The following KIF5A variants were observed in gnomAD, a reference collection of about 807,000 sequenced individuals.
KIF5A encodes the protein kinesin family member 5A, also known as kinesin heavy chain isoform 5A.
In KIF5A, 35 loss-of-function variants were observed where a neutral mutation model predicts 141.3. That is an observed-to-expected ratio of 0.25 (90% confidence interval 0.19 to 0.33). The LOEUF (loss-of-function observed/expected upper bound fraction) is 0.33, where lower values mean the gene tolerates loss of function less well. Among genes scored for constraint, KIF5A ranks in the 10% least tolerant of loss-of-function variants. The probability of loss-of-function intolerance (pLI) is 1.00; values close to 1 mark genes in which losing one functional copy is unlikely to be tolerated. For synonymous variants in KIF5A, 448 were observed against 500.2 expected (o/e 0.90, Z 1.39); for missense variants, 861 against 1,314.3 (o/e 0.66, Z 5.33).
In KIF5A at chr12:57,581,866, C is replaced by T. The variant is rs1286217171; in HGVS notation, c.2910-4C>T. On this transcript the variant is annotated splice_polypyrimidine_tract_variant and splice_region_variant and intron_variant, in intron 25 of 28. Coordinates refer to ENST00000455537, the MANE Select transcript of KIF5A (RefSeq NM_004984.4). ...AGGCTGCCTCTTTCCTCTGCTCCAT[C>T]CAGCTTTGCAAACTCCTGTACCAGC... is the stretch of plus-strand genomic sequence containing the variant. The T allele has an allele frequency of 2.5e-6, 4 of 1,613,762 alleles. No individual in the cohort carries two copies. The highest frequency in any genetic ancestry group is 3.3e-5 in the Admixed American group (2 of 60,004).
At chr12:57,557,858 T>C (rs888356883) in intron 1 of KIF5A, among the ~76,000 whole-genome samples, 1 of 152,080 alleles carries the variant, frequency 6.6e-6, no homozygotes, top group Non-Finnish European at 1.5e-5. Flanking sequence ...TGCCTGGCTA[T>C]ATTTTACAAT....
At chr12:57,565,772 G>A (rs927671118) in intron 6 of KIF5A, among the ~76,000 whole-genome samples, 4 of 150,940 alleles carry the variant, frequency 2.7e-5, no homozygotes, top group Non-Finnish European at 4.4e-5. Context: ...CTACAGGCAT[G>A]TGCCACCACG....
At chr12:57,581,834 G>T (rs367997523) in intron 25 of KIF5A, 36 bp from the exon 26 acceptor site, 4 of 1,568,250 alleles carry the variant, frequency 2.6e-6, no homozygotes, top group Admixed American at 3.3e-5. Flanking sequence ...TGGAGGGTGG[G>T]TGTCAGAGGC....
In KIF5A at chr12:57,569,613, G is replaced by GAAGGAGAAGACA; in HGVS notation, c.1052_1063dup (p.Glu351_Lys354dup). ...AGTGGAAGAAGAAATATGAGAAGGAGAAGGAGAAGACAAAGGCCCAGAAGG... is the reference window on the plus strand; with the variant it reads ...AGTGGAAGAAGAAATATGAGAAGGAGAAGGAGAAGACAAAGGAGAAGACAAAGGCCCAGAAGG... On this transcript the variant is annotated inframe_insertion, in exon 11 of 29. Transcript: ENST00000455537. 1 of 1,614,146 alleles carries GAAGGAGAAGACA rather than the reference G, an allele frequency of 6.2e-7. No homozygotes were observed. The highest frequency in any genetic ancestry group is 8.5e-7 in the Non-Finnish European group (1 of 1,180,036).
In KIF5A at chr12:57,579,864, C is replaced by T. The variant is rs867660893; in HGVS notation, c.2539-1092C>T. Among the ~76,000 whole-genome samples the T allele has an allele frequency of 3.9e-4, 59 of 152,138 alleles. 1 individual carries two copies. The highest frequency in any genetic ancestry group is 1.3e-4 in the Non-Finnish European group (9 of 68,022). On this transcript the variant is annotated intron_variant, in intron 23 of 28. Transcript: ENST00000455537. ...CACAACCACACACTGTTTCCTTTAT[C>T]GTCACTGAAGCCTCTGCCTCTGTTC...
rs1196739040 is a variant in KIF5A at position 57,586,432 on chromosome 12, C to G, written c.*2251C>G. On this transcript the variant is annotated 3_prime_UTR_variant, in exon 29 of 29. Coordinates refer to ENST00000455537, the MANE Select transcript of KIF5A (RefSeq NM_004984.4). ...TTCACCAGAAGCTTCACACTACATC[C>G]TCCTCCTCCTCCTGCTCCCCACCTT... 1 of 152,206 alleles carries G rather than the reference C, an allele frequency of 6.6e-6. No homozygotes were observed. The highest frequency in any genetic ancestry group is 1.5e-5 in the Non-Finnish European group (1 of 67,996). The allele number at this position is 152,206 out of a possible 1,614,324, so 9.4% of individuals were successfully genotyped here.
intron 15 of KIF5A, among the ~76,000 whole-genome samples, chr12:57,574,015 G>A (rs1882341531): frequency 6.7e-6 from 1 of 150,200 alleles, no homozygotes; most frequent in Non-Finnish European, 1.5e-5. Context: ...CCTGGGAGGC[G>A]GAGCTTGCAG....
intron 23 of KIF5A, among the ~76,000 whole-genome samples, chr12:57,579,438 G>A (rs1006746114): frequency 6.6e-6 from 1 of 151,764 alleles, no homozygotes; most frequent in Non-Finnish European, 1.5e-5. Context: ...ATTCTCACTA[G>A]CCTAGCACTT....
rs201501241 is a variant in KIF5A at position 57,570,405 on chromosome 12, AT to A, written c.1293+254del. On this transcript the variant is annotated intron_variant, in intron 12 of 28. Transcript: ENST00000455537. ...GCAATTGAGTTATACTGTATAAGTA[AT>A]TTTTTTTTTTGAGACAGGGTCTTGC... Among the ~76,000 whole-genome samples, 846 of 149,366 alleles carry A rather than the reference AT, an allele frequency of 5.7e-3. 6 individuals carry two copies. The highest frequency in any genetic ancestry group is 0.018 in the African/African-American group (727 of 40,922).
In KIF5A at chr12:57,569,329, C is replaced by T. The variant is rs1303126235; in HGVS notation, c.893C>T (p.Thr298Met). Residue 298 changes from threonine (T) to methionine (M), a missense_variant, in exon 10 of 29, where the codon ACG becomes ATG. Physicochemically the swap from Thr to Met is moderately conservative, Grantham distance 81 (BLOSUM62 -1). Coordinates refer to ENST00000455537, the MANE Select transcript of KIF5A (RefSeq NM_004984.4). ...LQDSLGGNCR[T>M]TMFICCSPSS... ...GACTCTCTCGGGGGAAACTGCCGGA[C>T]GACTATGTTCATCTGTTGCTCACCA... 1.2e-6 allele frequency: 2 copies of T among 1,613,746 alleles called. No individual in the cohort carries two copies. The highest frequency in any genetic ancestry group is 8.5e-7 in the Non-Finnish European group (1 of 1,179,760).
In KIF5A at chr12:57,550,293, T is replaced by TGTA; in HGVS notation, c.24_26dup (p.Ser9dup). The TGTA allele has an allele frequency of 5.6e-6, 9 of 1,614,130 alleles. No individual in the cohort carries two copies. The highest frequency in any genetic ancestry group is 6.8e-6 in the Non-Finnish European group (8 of 1,180,010). On this transcript the variant is annotated inframe_insertion, in exon 1 of 29. Coordinates refer to ENST00000455537, the MANE Select transcript of KIF5A (RefSeq NM_004984.4). The surrounding 1 kb of genome is among the most constrained non-coding windows in gnomAD (Gnocchi z 4.6). ...CACCATGGCGGAGACCAACAACGAA[T>TGTA]GTAGCATCAAGGTGCTCTGCCGATT...
At chr12:57,570,947 C>T (rs886601400) in intron 12 of KIF5A, among the ~76,000 whole-genome samples, 1 of 148,248 alleles carries the variant, frequency 6.7e-6, no homozygotes, top group African/African-American at 2.5e-5. Flanking sequence ...TGCACACCAC[C>T]ACGCCCAGCT....
intron 1 of KIF5A, among the ~76,000 whole-genome samples, chr12:57,555,326 G>T (rs1474689818): frequency 5.9e-5 from 9 of 152,066 alleles, no homozygotes; most frequent in Non-Finnish European, 1.3e-4. Context: ...CTTTTCTCTA[G>T]GCACATTGCC....
At chr12:57,556,625 G>A (rs1318734333) in intron 1 of KIF5A, among the ~76,000 whole-genome samples, 1 of 151,362 alleles carries the variant, frequency 6.6e-6, no homozygotes, top group African/African-American at 2.4e-5. Flanking sequence ...TCCTGTAACT[G>A]GGAATGTTTT....
chr12:57,556,392 C>T (rs1881745241), intron 1 of KIF5A, among the ~76,000 whole-genome samples: 1 of 152,058 alleles, frequency 6.6e-6, no homozygotes, highest in Non-Finnish European at 1.5e-5. Context: ...CCCGCCTCGG[C>T]CTCCCAAAGT....
At chr12:57,564,284 G>C (rs922502101) in intron 4 of KIF5A, 72 bp downstream of exon 4, 3 of 1,210,426 alleles carry the variant, frequency 2.5e-6, no homozygotes, top group Non-Finnish European at 3.7e-6. Context: ...TCCCACTGAA[G>C]AGCCTGGGCT....
rs772172027 is a variant in KIF5A, at chr12:57,569,061, G to A, written c.813G>A (p.Glu271=). Residue 271 remains glutamate (E), a synonymous_variant, in exon 9 of 29, where the codon GAG becomes GAA. Coordinates refer to ENST00000455537, the MANE Select transcript of KIF5A (RefSeq NM_004984.4). ...GCAATGTGATCTCCGCACTGGCTGA[G>A]GGCACTGTGAGTGATCCTTAGGTCC... is the stretch of plus-strand genomic sequence containing the variant. The part of the protein sequence containing the change: ...ALGNVISALA[E]GTKSYVPYRD... The A allele has an allele frequency of 1.9e-6, 3 of 1,613,346 alleles. No individual in the cohort carries two copies. Among genetic ancestry groups the A allele is most frequent in the Non-Finnish European group, 2.5e-6 (3 of 1,179,414 alleles).
At chr12:57,564,082 C>T (rs1881991620) in intron 3 of KIF5A, 26 bp from the exon 4 acceptor site, 1 of 1,543,392 alleles carries the variant, frequency 6.5e-7, no homozygotes, top group African/African-American at 1.4e-5. Context: ...GCCCCAGCTT[C>T]ACTCTCAAAT....
intron 15 of KIF5A, 38 bp from the exon 16 acceptor site, chr12:57,575,046 C>A: frequency 6.2e-7 from 1 of 1,602,300 alleles, no homozygotes; most frequent in Middle Eastern, 1.7e-4. Flanking sequence ...AGCTTCCCAG[C>A]AGCCAAGAAG....
Sources: allele counts gnomAD v4.1 joint callset (sites outside exome capture counted in the v4.1 genomes callset), GRCh38; gene constraint gnomAD v4.1.1; non-coding constraint Gnocchi (gnomAD v3.1); transcripts MANE v1.5; gene names NCBI Gene and HGNC (gene_info 2026-07-23, HGNC 2026-07-21).